The following CNTN5 variants were observed in gnomAD, a reference collection of about 807,000 sequenced individuals.
CNTN5 encodes contactin 5, also known as contactin-5.
A neutral mutation model predicts 129.1 loss-of-function variants in CNTN5; 77 were observed. The observed-to-expected ratio is 0.60, with a 90% CI of 0.50 to 0.72. The LOEUF is 0.72. CNTN5 is among the 30% of genes least tolerant of loss of function. The pLI, the probability that CNTN5 is intolerant of heterozygous loss-of-function variation, is 0.00. For synonymous variants in CNTN5, 509 were observed against 465.6 expected (o/e 1.09, Z -1.20); for missense variants, 1,478 against 1,328.8 (o/e 1.11, Z -1.75).
At chr11:99,819,436 A>C in intron 3 of CNTN5, 108 bp from the exon 4 acceptor site, 1 of 866,088 alleles carries the variant, frequency 1.2e-6, no homozygotes, top group Non-Finnish European at 1.8e-6. Context: ...ATTTGCTTGC[A>C]GCTCCAAAGA....
intron 3 of CNTN5, among the ~76,000 whole-genome samples, chr11:99,744,126 C>T (rs1368360754): frequency 6.6e-6 from 1 of 152,044 alleles, no homozygotes; most frequent in Non-Finnish European, 1.5e-5. Flanking sequence ...TGATTAAGGC[C>T]ATATCACCAG....
intron 1 of CNTN5, among the ~76,000 whole-genome samples, chr11:99,031,021 T>G (rs374025091): frequency 2.6e-5 from 4 of 151,988 alleles, no homozygotes; most frequent in South Asian, 4.2e-4. Flanking sequence ...ATGGTCTTGA[T>G]CTCCTGACCT....
At chr11:99,769,810 C>T (rs545952842) in intron 3 of CNTN5, among the ~76,000 whole-genome samples, 78 of 104,410 alleles carry the variant, frequency 7.5e-4, no homozygotes, top group Middle Eastern at 4.9e-3. Context: ...AGTGAGACCC[C>T]GTCTCAAAAA....
At chr11:100,293,483 C>G (rs1279516086) in intron 18 of CNTN5, among the ~76,000 whole-genome samples, 3 of 151,750 alleles carry the variant, frequency 2.0e-5, no homozygotes, top group Non-Finnish European at 4.4e-5. Flanking sequence ...TATAGACTCA[C>G]GATGAACTTT....
At chr11:99,936,194 A>T (rs1014626888) in intron 7 of CNTN5, among the ~76,000 whole-genome samples, 3 of 152,180 alleles carry the variant, frequency 2.0e-5, no homozygotes, top group South Asian at 2.1e-4. Context: ...TTATTAAAAA[A>T]ATTTTTTACC....
At chr11:99,213,640 G>A (rs575169765) in intron 1 of CNTN5, among the ~76,000 whole-genome samples, 1 of 151,882 alleles carries the variant, frequency 6.6e-6, no homozygotes, top group East Asian at 1.9e-4. Flanking sequence ...AGTCAGGAAA[G>A]CCATAGTAGT....
At chr11:99,943,590 A>G (rs1014096279) in intron 7 of CNTN5, among the ~76,000 whole-genome samples, 49 of 152,152 alleles carry the variant, frequency 3.2e-4, no homozygotes, top group African/African-American at 9.9e-4. Flanking sequence ...TTGATGTTTC[A>G]GTCATGAAGT....
chr11:99,534,800 T>C (rs1947841813), intron 2 of CNTN5, among the ~76,000 whole-genome samples: 1 of 152,154 alleles, frequency 6.6e-6, no homozygotes. Flanking sequence ...AGTAAAGTAA[T>C]ATTTCATATA....
chr11:100,040,537 CTTT>C (rs964894635), intron 9 of CNTN5, among the ~76,000 whole-genome samples: 1 of 152,208 alleles, frequency 6.6e-6, no homozygotes, highest in African/African-American at 2.4e-5. Flanking sequence ...TTACTGCTGT[CTTT>C]TTGTTTGTCT....
intron 1 of CNTN5, among the ~76,000 whole-genome samples, chr11:99,066,091 CT>C (rs1189006122): frequency 6.6e-6 from 1 of 151,898 alleles, no homozygotes; most frequent in African/African-American, 2.4e-5. Context: ...ATTCAAATAA[CT>C]TTTTTGCTAG....
intron 13 of CNTN5, among the ~76,000 whole-genome samples, chr11:100,168,395 A>G (rs1947713182): frequency 1.3e-5 from 2 of 151,996 alleles, no homozygotes; most frequent in Admixed American, 1.3e-4. Context: ...GTAACTGGTG[A>G]TTCTAAGTTG....
intron 13 of CNTN5, among the ~76,000 whole-genome samples, chr11:100,179,141 G>T (rs1187259829): frequency 2.6e-5 from 4 of 151,876 alleles, no homozygotes; most frequent in Non-Finnish European, 5.9e-5. Flanking sequence ...TTATCCTGTT[G>T]TGCTCTTAAA....
rs1333663726 is a variant in CNTN5, at chr11:99,736,358, A to C, written c.56-83186A>C. Among the ~76,000 whole-genome samples, 4 of 152,092 alleles carry C rather than the reference A, an allele frequency of 2.6e-5. No individual in the cohort carries two copies. The East Asian group carries it at 7.7e-4, about 29-fold the overall frequency. ...TAGGAGCTGTTCCTTTTAGTGTGGA[A>C]CCTAGGCCTGGGGCAATGAGGGCTG... On this transcript the variant is annotated intron_variant, in intron 3 of 24. Transcript: ENST00000524871.
chr11:100,109,227 A>G, intron 13 of CNTN5, among the ~76,000 whole-genome samples: 1 of 152,186 alleles, frequency 6.6e-6, no homozygotes, highest in African/African-American at 2.4e-5. Context: ...GGCATTCGAG[A>G]CCAGCCTGGC....
chr11:99,089,669 A>G (rs1365374275), intron 1 of CNTN5, among the ~76,000 whole-genome samples: 3 of 152,250 alleles, frequency 2.0e-5, no homozygotes, highest in African/African-American at 7.2e-5. Flanking sequence ...TGTTATCATT[A>G]GAAATACATT....
chr11:99,132,840 A>G (rs7928470), intron 1 of CNTN5, among the ~76,000 whole-genome samples: 1 of 152,178 alleles, frequency 6.6e-6, no homozygotes, highest in Non-Finnish European at 1.5e-5. Context: ...CAAAGCAATT[A>G]ATAGATTAAA....
At chr11:100,325,158 A>G (rs1260311049) in intron 21 of CNTN5, among the ~76,000 whole-genome samples, 2 of 152,162 alleles carry the variant, frequency 1.3e-5, no homozygotes, top group Non-Finnish European at 2.9e-5. Flanking sequence ...CTCTTAGTAG[A>G]AGGACATGCC....
intron 2 of CNTN5, among the ~76,000 whole-genome samples, chr11:99,363,877 T>C (rs906859459): frequency 2.0e-5 from 3 of 152,170 alleles, no homozygotes; most frequent in African/African-American, 7.2e-5. Context: ...CTTGACGCTA[T>C]CACTAGTCCT....
intron 1 of CNTN5, among the ~76,000 whole-genome samples, chr11:99,236,130 G>A (rs113124919): frequency 0.023 from 3,466 of 152,162 alleles, 55 homozygotes; most frequent in Non-Finnish European, 0.037. Flanking sequence ...TAATCATGGA[G>A]TACCAAGCAT....
Sources: gnomAD v4.1 joint callset for allele counts (sites outside exome capture counted in the v4.1 genomes callset) on GRCh38, gnomAD v4.1.1 for gene constraint, MANE v1.5 for transcripts, NCBI Gene and HGNC (gene_info 2026-07-23, HGNC 2026-07-21) for gene names.